RFK: variants seen among roughly 807,000 people sequenced by gnomAD.
The protein encoded by RFK is riboflavin kinase.
In RFK, 4 loss-of-function variants were observed where a neutral mutation model predicts 17.6. The ratio of observed to expected loss-of-function variants is 0.23; its 90% CI spans 0.11 to 0.52. RFK has a LOEUF of 0.52. Ranked by LOEUF, RFK falls within the 20% of genes least tolerant of loss-of-function variation. The pLI is 0.96. For synonymous variants in RFK, 59 were observed against 63.8 expected (o/e 0.92, Z 0.36); for missense variants, 189 against 187.7 (o/e 1.01, Z -0.04).
chr9:76,392,902 T>G (rs1364127469), intron 1 of RFK, among the ~76,000 whole-genome samples: 1 of 152,184 alleles, frequency 6.6e-6, no homozygotes, highest in Non-Finnish European at 1.5e-5. Context: ...AGATTCTGTC[T>G]CAAAATAATA....
chr9:76,394,336 G>A lies in RFK; in HGVS notation c.-165C>T, dbSNP rs1026268830. ...GACGACGCCGACCACAGGCCACTGC[G>A]AATCCCTGACGCCGCCGACCCAACA... On this transcript the variant is annotated 5_prime_UTR_variant, in exon 1 of 4. Transcript: ENST00000376736. 3 of 579,736 alleles carry A rather than the reference G, an allele frequency of 5.2e-6. No homozygotes were observed. The highest frequency in any genetic ancestry group is 2.5e-5 in the South Asian group (1 of 40,626). 35.9% of individuals were successfully genotyped at this position (579,736 alleles called of 1,614,324 possible). A position where few individuals can be genotyped will look rare whatever the true frequency, so the allele number is the denominator to read the frequency against.
chr9:76,394,420 A>G lies in RFK; in HGVS notation c.-249T>C, dbSNP rs946328719. The G allele has an allele frequency of 1.2e-5, 5 of 417,484 alleles. No homozygotes were observed. Among genetic ancestry groups the G allele is most frequent in the Non-Finnish European group, 2.1e-5 (5 of 235,964 alleles). 25.9% of individuals were successfully genotyped at this position (417,484 alleles called of 1,614,324 possible). Reference sequence around the variant, plus strand: ...GCTGGAGGGCAGCGGAGACAGCCGAAGTAAGTGCCGGGTGTGAGCGGGGTG... The same window carrying G: ...GCTGGAGGGCAGCGGAGACAGCCGAGGTAAGTGCCGGGTGTGAGCGGGGTG... On this transcript the variant is annotated 5_prime_UTR_variant, in exon 1 of 4. Transcript: ENST00000376736.
chr9:76,392,832 T>C (rs1023911877), intron 1 of RFK, among the ~76,000 whole-genome samples: 1 of 152,204 alleles, frequency 6.6e-6, no homozygotes, highest in Non-Finnish European at 1.5e-5. Flanking sequence ...GCCCAGCAGA[T>C]GGAGGCTGCA....
chr9:76,393,879 T>A, intron 1 of RFK: 2 of 554,050 alleles, frequency 3.6e-6, no homozygotes, highest in Non-Finnish European at 6.3e-6. Context: ...CTCAACCCCG[T>A]CCCCGCGGAG....
intron 3 of RFK, 75 bp from the exon 4 acceptor site, chr9:76,387,604 A>T (rs529998435): frequency 6.9e-6 from 10 of 1,445,628 alleles, no homozygotes; most frequent in Middle Eastern, 2.2e-4. Context: ...TGTTTAGCCA[A>T]TCCTAAAAAC....
In RFK at chr9:76,392,481, A is replaced by T; in HGVS notation, c.171T>A (p.Asp57Glu). ...YYGWASVGSG[D>E]VHKMVVSIGW... is the part of the protein sequence containing the mutation. Reference sequence around the variant, plus strand: ...CTATGCTCACCACCATCTTATGGACATCTCCACTTCCAACACTGGCCCAAC... The same window carrying T: ...CTATGCTCACCACCATCTTATGGACTTCTCCACTTCCAACACTGGCCCAAC... The change falls in exon 2 of 4, where the codon GAT (aspartate) becomes GAA (glutamate). Residue 57 changes from aspartate (D) to glutamate (E), a missense_variant. Physicochemically the swap from Asp to Glu is conservative, Grantham distance 45. Transcript: ENST00000376736. 6.2e-7 allele frequency: 1 copy of T among 1,614,202 alleles called. No individual in the cohort carries two copies. The highest frequency in any genetic ancestry group is 8.5e-7 in the Non-Finnish European group (1 of 1,180,008).
chr9:76,388,264 G>T (rs748237947), intron 3 of RFK: 10 of 537,854 alleles, frequency 1.9e-5, no homozygotes, highest in Admixed American at 6.7e-5. Flanking sequence ...ACTTCATACC[G>T]CTGGAGAGAA....
Position 76,394,368 on chromosome 9 carries a change from G to A in RFK, c.-197C>T. On this transcript the variant is annotated 5_prime_UTR_variant, in exon 1 of 4. Transcript: ENST00000376736. ...TGACGCCGCCGACCCAACAAATACCGCCGGGCGCCTGAGGAGCTGCGTCTC... is the reference window on the plus strand; with the variant it reads ...TGACGCCGCCGACCCAACAAATACCACCGGGCGCCTGAGGAGCTGCGTCTC... 1 of 505,334 alleles carries A rather than the reference G, an allele frequency of 2.0e-6. No homozygotes were observed. Among genetic ancestry groups the A allele is most frequent in the Non-Finnish European group, 3.4e-6 (1 of 290,592 alleles). The allele number at this position is 505,334 out of a possible 1,614,324, so 31.3% of individuals were successfully genotyped here.
intron 1 of RFK, chr9:76,393,812 A>T (rs1030883410): frequency 3.3e-5 from 16 of 489,622 alleles, no homozygotes; most frequent in Middle Eastern, 5.3e-4. Flanking sequence ...TGGCTGGCCA[A>T]GGAGGCGTGA....
chr9:76,392,499 G>A lies in RFK; in HGVS notation c.153C>T (p.Ala51=). The A allele has an allele frequency of 6.2e-7, 1 of 1,614,046 alleles. No homozygotes were observed. The highest frequency in any genetic ancestry group is 8.5e-7 in the Non-Finnish European group (1 of 1,179,998). Residue 51 remains alanine, a synonymous_variant, in exon 2 of 4, where the codon GCC becomes GCT. Transcript: ENST00000376736. ...TATGGACATCTCCACTTCCAACACTGGCCCAACCATAGTAAATACCAGTGG... is the reference window on the plus strand; with the variant it reads ...TATGGACATCTCCACTTCCAACACTAGCCCAACCATAGTAAATACCAGTGG... ...DISTGIYYGW[A]SVGSGDVHKM...
intron 1 of RFK, 82 bp from the exon 2 acceptor site, chr9:76,392,651 A>G: frequency 7.1e-7 from 1 of 1,409,986 alleles, no homozygotes. Flanking sequence ...TCATGTCTGT[A>G]ATTCTAGGAC....
rs1403740445 is a variant in RFK at position 76,393,964 on chromosome 9, G to A, written c.82+126C>T. On this transcript the variant is annotated intron_variant, in intron 1 of 3. Transcript: ENST00000376736. ...CCGCCACAGACAAGGGGATGCGGGA[G>A]GAGGAAGGGTGTGCTCTCTGCCCGC... 7 of 802,640 alleles carry A rather than the reference G, an allele frequency of 8.7e-6. No individual in the cohort carries two copies. The East Asian group carries it at 1.2e-4, about 14-fold the overall frequency. 49.7% of individuals were successfully genotyped at this position (802,640 alleles called of 1,614,324 possible). A position where few individuals can be genotyped will look rare whatever the true frequency, so the allele number is the denominator to read the frequency against.
chr9:76,394,413 C>A lies in RFK; in HGVS notation c.-242G>T. On this transcript the variant is annotated 5_prime_UTR_variant, in exon 1 of 4. Transcript: ENST00000376736. ...CGTCTCCGCTGGAGGGCAGCGGAGA[C>A]AGCCGAAGTAAGTGCCGGGTGTGAG... The A allele has an allele frequency of 2.2e-6, 1 of 446,526 alleles. No homozygotes were observed. The highest frequency in any genetic ancestry group is 3.6e-5 in the South Asian group (1 of 28,070). 27.7% of individuals were successfully genotyped at this position (446,526 alleles called of 1,614,324 possible). A position where few individuals can be genotyped will look rare whatever the true frequency, so the allele number is the denominator to read the frequency against.
chr9:76,393,914 C>T, intron 1 of RFK, 176 bp downstream of exon 1: 1 of 609,002 alleles, frequency 1.6e-6, no homozygotes, highest in Non-Finnish European at 2.8e-6. Flanking sequence ...CAGGGACAAG[C>T]TCCCTCAACC....
intron 1 of RFK, 147 bp from the exon 2 acceptor site, chr9:76,392,716 CG>C (rs1822833982): frequency 1.4e-6 from 1 of 711,796 alleles, no homozygotes; most frequent in East Asian, 2.7e-5. Context: ...GAGACCGGCC[CG>C]GGTAACATAG....
At position 76,394,352 on chromosome 9, in the gene RFK, C is replaced by G. The variant is rs1267613416; in HGVS notation, c.-181G>C. On this transcript the variant is annotated 5_prime_UTR_variant, in exon 1 of 4. Coordinates refer to ENST00000376736, the MANE Select transcript of RFK (RefSeq NM_018339.6). ...GGCCACTGCGAATCCCTGACGCCGCCGACCCAACAAATACCGCCGGGCGCC... is the reference window on the plus strand; with the variant it reads ...GGCCACTGCGAATCCCTGACGCCGCGGACCCAACAAATACCGCCGGGCGCC... 10 of 536,034 alleles carry G rather than the reference C, an allele frequency of 1.9e-5. No homozygotes were observed. In the East Asian group the frequency reaches 3.5e-4, roughly 19 times the overall value. 33.2% of individuals were successfully genotyped at this position (536,034 alleles called of 1,614,324 possible). A position where few individuals can be genotyped will look rare whatever the true frequency, so the allele number is the denominator to read the frequency against.
At chr9:76,388,712 G>T in intron 2 of RFK, 56 bp from the exon 3 acceptor site, 1 of 935,106 alleles carries the variant, frequency 1.1e-6, no homozygotes, top group Non-Finnish European at 1.7e-6. Flanking sequence ...ACTGAAATCT[G>T]AAATACATCT....
intron 2 of RFK, among the ~76,000 whole-genome samples, chr9:76,391,946 A>C (rs1822825056): frequency 6.6e-6 from 1 of 152,064 alleles, no homozygotes; most frequent in Non-Finnish European, 1.5e-5. Context: ...TAAAAAAAAA[A>C]AAAAAGATGC....
intron 2 of RFK, among the ~76,000 whole-genome samples, chr9:76,389,756 G>C (rs181050273): frequency 6.6e-6 from 1 of 152,006 alleles, no homozygotes. Context: ...GCGACAGAGC[G>C]AAGACTCCAT....
Sources: allele counts gnomAD v4.1 joint callset (sites outside exome capture counted in the v4.1 genomes callset), GRCh38; gene constraint gnomAD v4.1.1; transcripts MANE v1.5; gene names NCBI Gene and HGNC (gene_info 2026-07-23, HGNC 2026-07-21).